Variants in RASAL2 observed in about 807,000 individuals in gnomAD.
RASAL2 encodes ras GTPase-activating protein nGAP.
RASAL2 carries 58 observed loss-of-function variants against 128.9 expected under a neutral mutation model. The observed-to-expected ratio is 0.45, with a 90% CI of 0.36 to 0.56. The LOEUF is 0.56. Ranked by LOEUF, RASAL2 falls within the 20% of genes least tolerant of loss-of-function variation. The pLI, the probability that RASAL2 is intolerant of heterozygous loss-of-function variation, is 0.00. For missense variants in RASAL2, 1,360 were observed against 1,601.6 expected (o/e 0.85, Z 2.57); for synonymous variants, 561 against 580.8 (o/e 0.97, Z 0.49).
At chr1:178,401,391 A>G (rs901057887) in intron 4 of RASAL2, among the ~76,000 whole-genome samples, 4 of 152,224 alleles carry the variant, frequency 2.6e-5, no homozygotes, top group African/African-American at 7.2e-5. Context: ...GAGAATAATG[A>G]TAGAGAAACT....
intron 3 of RASAL2, among the ~76,000 whole-genome samples, chr1:178,330,166 T>C (rs1194101705): frequency 6.6e-6 from 1 of 152,222 alleles, no homozygotes; most frequent in Non-Finnish European, 1.5e-5. Context: ...TGTTATCAGA[T>C]GACTAGTAAG....
intron 1 of RASAL2, among the ~76,000 whole-genome samples, chr1:178,139,766 A>T (rs1257879906): frequency 6.6e-6 from 1 of 151,926 alleles, no homozygotes; most frequent in East Asian, 1.9e-4. Context: ...CTTTGTAGTA[A>T]ATTAGTGATA....
At chr1:178,424,524 C>T (rs1322726408) in intron 5 of RASAL2, among the ~76,000 whole-genome samples, 2 of 152,158 alleles carry the variant, frequency 1.3e-5, no homozygotes, top group Non-Finnish European at 2.9e-5. Context: ...TGCAGTGGCA[C>T]GATCACGGTT....
At chr1:178,223,143 A>T (rs1409380633) in intron 1 of RASAL2, among the ~76,000 whole-genome samples, 1 of 152,128 alleles carries the variant, frequency 6.6e-6, no homozygotes, top group Non-Finnish European at 1.5e-5. Flanking sequence ...AATTCAACAA[A>T]TATTTATTGT....
chr1:178,124,089 C>T (rs766443663), intron 1 of RASAL2, among the ~76,000 whole-genome samples: 1 of 152,142 alleles, frequency 6.6e-6, no homozygotes, highest in African/African-American at 2.4e-5. Context: ...GTTACATACC[C>T]CATGGGTGTT....
intron 1 of RASAL2, among the ~76,000 whole-genome samples, chr1:178,169,263 T>C (rs570135176): frequency 8.5e-5 from 13 of 152,282 alleles, no homozygotes; most frequent in African/African-American, 3.1e-4. Flanking sequence ...CTTTCTTCCC[T>C]CTATGATTGA....
intron 15 of RASAL2, among the ~76,000 whole-genome samples, chr1:178,465,110 A>G (rs186769838): frequency 1.8e-3 from 281 of 152,296 alleles, no homozygotes; most frequent in Middle Eastern, 0.014. Flanking sequence ...GGAAAGGGCC[A>G]TGTAACTAAT....
rs1648807948 is a variant in RASAL2, at chr1:178,478,203, G to C, written c.*4964G>C. 1 of 151,904 alleles carries C rather than the reference G, an allele frequency of 6.6e-6. No individual in the cohort carries two copies. Among genetic ancestry groups the C allele is most frequent in the Non-Finnish European group, 1.5e-5 (1 of 67,994 alleles). 9.4% of individuals were successfully genotyped at this position (151,904 alleles called of 1,614,324 possible). A position where few individuals can be genotyped will look rare whatever the true frequency, so the allele number is the denominator to read the frequency against. ...AACCAGATTTATTTGTTGTTGTAGA[G>C]AGATTTCCACAGAAGTTGTGTTTTA... On this transcript the variant is annotated 3_prime_UTR_variant, in exon 18 of 18. Coordinates refer to ENST00000367649, the MANE Select transcript of RASAL2 (RefSeq NM_170692.4).
At chr1:178,257,051 AAGAT>A (rs35101997) in intron 1 of RASAL2, among the ~76,000 whole-genome samples, 12,104 of 152,252 alleles carry the variant, frequency 0.079, 537 homozygotes, top group Middle Eastern at 0.13. Flanking sequence ...CAAAAAGAAT[AAGAT>A]ACTTAGGAAT....
intron 1 of RASAL2, among the ~76,000 whole-genome samples, chr1:178,124,335 G>A (rs890922569): frequency 5.9e-5 from 9 of 152,118 alleles, no homozygotes; most frequent in Non-Finnish European, 1.0e-4. Flanking sequence ...GAGTAGGGGG[G>A]TGGGGAGCCA....
chr1:178,214,286 T>G (rs1663353478), intron 1 of RASAL2, among the ~76,000 whole-genome samples: 1 of 151,130 alleles, frequency 6.6e-6, no homozygotes, highest in Non-Finnish European at 1.5e-5. Context: ...AATGAATGAA[T>G]GAATGAATGG....
intron 9 of RASAL2, among the ~76,000 whole-genome samples, chr1:178,450,578 G>A (rs1677305910): frequency 1.3e-5 from 2 of 152,110 alleles, no homozygotes; most frequent in South Asian, 4.1e-4. Context: ...TGCTGCTGAT[G>A]CTGCTACTTA....
chr1:178,321,988 CA>C (rs780276705), intron 3 of RASAL2, among the ~76,000 whole-genome samples: 270 of 132,194 alleles, frequency 2.0e-3, no homozygotes, highest in Middle Eastern at 3.9e-3. Flanking sequence ...AACTCCATCT[CA>C]AAAAAAAAAA....
intron 3 of RASAL2, among the ~76,000 whole-genome samples, chr1:178,343,854 A>T (rs1175670891): frequency 6.6e-6 from 1 of 152,040 alleles, no homozygotes; most frequent in Non-Finnish European, 1.5e-5. Context: ...TTATTTTTAA[A>T]CAAGTTTTTA....
intron 1 of RASAL2, among the ~76,000 whole-genome samples, chr1:178,129,400 G>A (rs1166121388): frequency 1.3e-5 from 2 of 152,052 alleles, no homozygotes; most frequent in African/African-American, 2.4e-5. Flanking sequence ...TTTCTTTACT[G>A]AAGTGTCACT....
At chr1:178,239,057 G>A (rs191803340) in intron 1 of RASAL2, among the ~76,000 whole-genome samples, 14 of 152,058 alleles carry the variant, frequency 9.2e-5, no homozygotes, top group African/African-American at 3.4e-4. Flanking sequence ...TCATTGAAAT[G>A]TCTTAAAAAA....
intron 4 of RASAL2, among the ~76,000 whole-genome samples, chr1:178,399,643 A>G (rs1201671296): frequency 6.6e-6 from 1 of 152,210 alleles, no homozygotes; most frequent in African/African-American, 2.4e-5. Context: ...TAAATAGTAA[A>G]TAAAAGGCAG....
Position 178,470,579 on chromosome 1 carries a change from A to T in RASAL2, c.3679-2496A>T, listed in dbSNP as rs1046938098. ...AGCATGAGGAGACACTGTGGCTCCC[A>T]GGATCTCTCTATGTGACTCAGGTGG... On this transcript the variant is annotated intron_variant, in intron 17 of 17. Coordinates refer to ENST00000367649, the MANE Select transcript of RASAL2 (RefSeq NM_170692.4). 3.8e-6 allele frequency: 3 copies of T among 783,382 alleles called. No homozygotes were observed. The Admixed American group carries it at 7.2e-5, about 19-fold the overall frequency. 48.5% of individuals were successfully genotyped at this position (783,382 alleles called of 1,614,324 possible).
At chr1:178,398,757 C>T (rs1673424193) in intron 4 of RASAL2, among the ~76,000 whole-genome samples, 2 of 152,156 alleles carry the variant, frequency 1.3e-5, no homozygotes. Context: ...TTCCCAGGGC[C>T]AAAACCCTAA....
Sources: allele counts gnomAD v4.1 joint callset (sites outside exome capture counted in the v4.1 genomes callset), GRCh38; gene constraint gnomAD v4.1.1; transcripts MANE v1.5; gene names NCBI Gene and HGNC (gene_info 2026-07-23, HGNC 2026-07-21).